ZNF878: variants seen among roughly 807,000 people sequenced by gnomAD.
ZNF878 encodes the protein zinc finger protein 878.
ZNF878 carries 10 observed loss-of-function variants against 11.1 expected under a neutral mutation model. The ratio of observed to expected loss-of-function variants is 0.90; its 90% CI spans 0.56 to 1.53. ZNF878 has a LOEUF of 1.53. Among genes scored for constraint, ZNF878 ranks in the 40% most tolerant of loss-of-function variants. The pLI, the probability that ZNF878 is intolerant of heterozygous loss-of-function variation, is 0.00. For missense variants in ZNF878, 548 were observed against 626.1 expected, an observed-to-expected ratio of 0.88 and a Z score of 1.33; for synonymous variants, 165 against 209.7, an observed-to-expected ratio of 0.79 and a Z score of 1.84.
rs1356028253 is a variant in ZNF878, at chr19:12,044,066, G to A, written c.1335C>T (p.His445=). 6.2e-7 allele frequency: 1 copy of A among 1,614,114 alleles called. No individual in the cohort carries two copies. Among genetic ancestry groups the A allele is most frequent in the Admixed American group, 1.7e-5 (1 of 60,014 alleles). The change falls in exon 4 of 4, where the codon CAC becomes CAT. Residue 445 remains histidine (H), a synonymous_variant. Transcript: ENST00000547628. ...ASQLKMHERT[H]TGEKPYECKQ... ...TACACTCATAGGGTTTCTCTCCTGT[G>A]TGAGTCCTTTCATGCATTTTAAGTT...
intron 1 of ZNF878, among the ~76,000 whole-genome samples, chr19:12,048,456 T>C (rs1438829978): frequency 6.7e-6 from 1 of 149,830 alleles, no homozygotes; most frequent in Non-Finnish European, 1.5e-5. Flanking sequence ...AGGCGGAGCT[T>C]GCAGTGAGCC....
Position 12,045,164 on chromosome 19 carries a change from C to T in ZNF878, c.237G>A (p.Gln79=). The stretch of plus-strand genomic sequence containing the variant: ...GAACCTGTGTCAAAACTTCTCCATG[C>T]TGATGACTTTCTTTACTTTCAGAGA... ...ERLSESKESH[Q]HGEVLTQVPD... is the part of the protein sequence containing the mutation. The change falls in exon 4 of 4, where the codon CAG becomes CAA. Residue 79 remains glutamine, a synonymous_variant. Coordinates refer to ENST00000547628, the MANE Select transcript of ZNF878 (RefSeq NM_001080404.3). 6.2e-7 allele frequency: 1 copy of T among 1,612,194 alleles called. No homozygotes were observed. Among genetic ancestry groups the T allele is most frequent in the South Asian group, 1.1e-5 (1 of 90,822 alleles).
rs1356308359 is a variant in ZNF878, at chr19:12,046,357, G to C, written c.191+11C>G. On this transcript the variant is annotated intron_variant, in intron 3 of 3. Transcript: ENST00000547628. ...ACAGAGACATTGTTTTCTCTTTTAA[G>C]TGCCAGTTACCTTAGGTTTCTCCTA... 6.5e-7 allele frequency: 1 copy of C among 1,548,768 alleles called. No homozygotes were observed. Among genetic ancestry groups the C allele is most frequent in the African/African-American group, 1.4e-5 (1 of 72,908 alleles).
chr19:12,045,268 G>C, intron 3 of ZNF878, 59 bp from the exon 4 acceptor site: 1 of 1,364,716 alleles, frequency 7.3e-7, no homozygotes, highest in Non-Finnish European at 9.8e-7. Context: ...TCCTTTGCAA[G>C]TATTACACTT....
At chr19:12,052,645 C>A (rs961356582) in intron 1 of ZNF878, among the ~76,000 whole-genome samples, 154 bp downstream of exon 1, 2 of 152,196 alleles carry the variant, frequency 1.3e-5, no homozygotes, top group Admixed American at 6.5e-5. Flanking sequence ...CTCCACCCAG[C>A]GGCCGAGGGG....
chr19:12,044,288 T>C lies in ZNF878; in HGVS notation c.1113A>G (p.Gln371=), dbSNP rs369645245. ...TGGAAGAAGTGAAGGTTTTCCCACA[T>C]TGTTTACATTCAAAGGGTTTCTCTC... ...HTGEKPFECK[Q]CGKTFTSSNS... Residue 371 remains glutamine, a synonymous_variant, in exon 4 of 4, where the codon CAA becomes CAG. Transcript: ENST00000547628. 85 of 1,613,516 alleles carry C rather than the reference T, an allele frequency of 5.3e-5. No individual in the cohort carries two copies. Among genetic ancestry groups the C allele is most frequent in the Middle Eastern group, 3.3e-4 (2 of 6,084 alleles).
chr19:12,050,357 C>A (rs1444552108), intron 1 of ZNF878, among the ~76,000 whole-genome samples: 2 of 152,172 alleles, frequency 1.3e-5, no homozygotes, highest in Non-Finnish European at 2.9e-5. Flanking sequence ...CCTGAGGAAA[C>A]AATATCACTA....
Position 12,052,830 on chromosome 19 carries a change from T to C in ZNF878, c.-29A>G. ...CTGGCTTCCAGGTATTCTGGCGTCC[T>C]CTCTAAAGGTCCCGTGAACAGTGCA... On this transcript the variant is annotated 5_prime_UTR_variant, in exon 1 of 4. Coordinates refer to ENST00000547628, the MANE Select transcript of ZNF878 (RefSeq NM_001080404.3). 1 of 1,535,856 alleles carries C rather than the reference T, an allele frequency of 6.5e-7. No homozygotes were observed. The highest frequency in any genetic ancestry group is 1.2e-5 in the South Asian group (1 of 84,036).
chr19:12,049,751 C>A (rs1402775535), intron 1 of ZNF878, among the ~76,000 whole-genome samples: 2 of 150,634 alleles, frequency 1.3e-5, no homozygotes, highest in Non-Finnish European at 2.9e-5. Flanking sequence ...GCTTGGGCAA[C>A]AAGAGCGAAA....
intron 1 of ZNF878, among the ~76,000 whole-genome samples, chr19:12,050,676 C>A (rs1282997165): frequency 1.3e-5 from 2 of 152,202 alleles, no homozygotes; most frequent in African/African-American, 4.8e-5. Flanking sequence ...GGAAAGACCC[C>A]TTCCCTCTTA....
intron 1 of ZNF878, among the ~76,000 whole-genome samples, chr19:12,050,076 T>G (rs2145527393): frequency 6.6e-6 from 1 of 151,948 alleles, no homozygotes; most frequent in Admixed American, 6.6e-5. Flanking sequence ...AATACAAAAA[T>G]TAGCCAGGTA....
At chr19:12,051,045 G>C (rs1315356443) in intron 1 of ZNF878, among the ~76,000 whole-genome samples, 5 of 142,650 alleles carry the variant, frequency 3.5e-5, no homozygotes, top group Admixed American at 3.0e-4. Context: ...GCAGTGAGCA[G>C]AGATCGCGCC....
chr19:12,051,962 G>T (rs192015032), intron 1 of ZNF878, among the ~76,000 whole-genome samples: 9 of 152,226 alleles, frequency 5.9e-5, no homozygotes, highest in African/African-American at 2.2e-4. Context: ...AGGGGGCGGG[G>T]ACTGGGATGG....
At chr19:12,047,565 TAA>T (rs58640903) in intron 1 of ZNF878, among the ~76,000 whole-genome samples, 3 of 140,556 alleles carry the variant, frequency 2.1e-5, no homozygotes, top group Non-Finnish European at 3.1e-5. Flanking sequence ...CTCCATCGGT[TAA>T]AAAAAAAAAA....
At chr19:12,052,681 G>A in intron 1 of ZNF878, 118 bp downstream of exon 1, 1 of 1,306,020 alleles carries the variant, frequency 7.7e-7, no homozygotes, top group Non-Finnish European at 1.0e-6. Flanking sequence ...GCGCTAGGGG[G>A]ACTGTGTCTG....
chr19:12,044,325 C>G lies in ZNF878; in HGVS notation c.1076G>C (p.Arg359Thr). The change falls in exon 4 of 4, where the codon AGG becomes ACG. Residue 359 changes from arginine (R) to threonine (T), a missense_variant. This residue lies in a region of ZNF878 where 335 missense variants were observed against 358.2 expected (regional missense o/e 0.94). Transcript: ENST00000547628. Reference sequence around the variant, plus strand: ...AAAGGGTTTCTCTCCAGTGTGTGTCCTTTCATGTATTCGAAGATCCTTGAC... The same window carrying G: ...AAAGGGTTTCTCTCCAGTGTGTGTCGTTTCATGTATTCGAAGATCCTTGAC... ...SFVKDLRIHE[R>T]THTGEKPFEC... 6.2e-7 allele frequency: 1 copy of G among 1,612,548 alleles called. No individual in the cohort carries two copies. The highest frequency in any genetic ancestry group is 1.3e-5 in the African/African-American group (1 of 74,906).
rs749213697 is a variant in ZNF878, at chr19:12,046,776, T to C, written c.4-16A>G. On this transcript the variant is annotated splice_polypyrimidine_tract_variant and intron_variant, in intron 1 of 3. Transcript: ENST00000547628. ...CCACCGAATCCTGAAATATCCCACA[T>C]GTGGACAGGAGGATGAGTGAGGCTG... The C allele has an allele frequency of 1.9e-6, 3 of 1,613,548 alleles. No individual in the cohort carries two copies. The highest frequency in any genetic ancestry group is 2.5e-6 in the Non-Finnish European group (3 of 1,179,708).
At chr19:12,046,910 T>A in intron 1 of ZNF878, 150 bp from the exon 2 acceptor site, 1 of 1,224,320 alleles carries the variant, frequency 8.2e-7, no homozygotes, top group Non-Finnish European at 1.1e-6. Flanking sequence ...TTACTCTGTC[T>A]ACACTCACTT....
chr19:12,047,363 A>T (rs1975504034), intron 1 of ZNF878, among the ~76,000 whole-genome samples: 1 of 151,936 alleles, frequency 6.6e-6, no homozygotes, highest in Non-Finnish European at 1.5e-5. Context: ...CAGGAGTTTG[A>T]GACCAACCTG....
Sources: allele counts gnomAD v4.1 joint callset (sites outside exome capture counted in the v4.1 genomes callset), GRCh38; gene constraint gnomAD v4.1.1; regional missense constraint gnomAD v4.1.1; transcripts MANE v1.5; gene names NCBI Gene and HGNC (gene_info 2026-07-23, HGNC 2026-07-21).